Variants in HYDIN observed in about 807,000 individuals in gnomAD.
The protein encoded by HYDIN is axonemal central pair apparatus protein HYDIN.
Under a neutral mutation model 403.9 loss-of-function variants are expected in HYDIN, and 132 were observed. That is an observed-to-expected ratio of 0.33 (90% confidence interval 0.28 to 0.38). The LOEUF is 0.38. Ranked by LOEUF, HYDIN falls within the 10% of genes least tolerant of loss-of-function variation. The probability of loss-of-function intolerance (pLI) is 1.00; values close to 1 mark genes in which losing one functional copy is unlikely to be tolerated. For missense variants in HYDIN, 2,827 were observed against 5,009.5 expected, an observed-to-expected ratio of 0.56 and a Z score of 13.15; for synonymous variants, 1,202 against 1,891.7, an observed-to-expected ratio of 0.64 and a Z score of 9.46.
intron 23 of HYDIN, among the ~76,000 whole-genome samples, chr16:71,002,225 T>A (rs1005983124): frequency 2.0e-5 from 3 of 152,228 alleles, no homozygotes; most frequent in Non-Finnish European, 4.4e-5. Context: ...AGTTTCACTA[T>A]GATTTTGTGC....
chr16:70,990,723 T>C (rs916137158), intron 25 of HYDIN, among the ~76,000 whole-genome samples: 6 of 152,224 alleles, frequency 3.9e-5, no homozygotes, highest in Non-Finnish European at 5.9e-5. Flanking sequence ...GATGGTTACA[T>C]GCTTTATGCA....
chr16:71,136,560 T>C (rs1397982580), intron 8 of HYDIN, among the ~76,000 whole-genome samples: 1 of 147,182 alleles, frequency 6.8e-6, no homozygotes, highest in East Asian at 2.1e-4. Flanking sequence ...GTCAAGGAGC[T>C]TGAGACCAGC....
intron 7 of HYDIN, among the ~76,000 whole-genome samples, chr16:71,145,152 A>G (rs1409939673): frequency 4.6e-5 from 7 of 151,554 alleles, no homozygotes; most frequent in Admixed American, 2.6e-4. Flanking sequence ...GAAAAATGCT[A>G]TAAGACAGTT....
At chr16:70,895,827 TA>T (rs1161751616) in intron 54 of HYDIN, among the ~76,000 whole-genome samples, 153 bp downstream of exon 54, 1 of 151,166 alleles carries the variant, frequency 6.6e-6, no homozygotes, top group Non-Finnish European at 1.5e-5. Flanking sequence ...GTCATGCTGC[TA>T]ATATCACTCT....
chr16:70,981,686 G>A (rs2079050510), intron 28 of HYDIN, 118 bp from the exon 29 acceptor site: 3 of 1,374,218 alleles, frequency 2.2e-6, no homozygotes, highest in Non-Finnish European at 9.5e-7. Context: ...AAGAAGGAAA[G>A]GAGTAAGAGA....
intron 75 of HYDIN, among the ~76,000 whole-genome samples, chr16:70,844,443 C>G (rs200795219): frequency 3.4e-5 from 5 of 147,970 alleles, no homozygotes; most frequent in East Asian, 2.0e-4. Flanking sequence ...TTTGGTTACT[C>G]TAGCCTTGTA....
chr16:70,840,700 G>T (rs2037759043), intron 75 of HYDIN, among the ~76,000 whole-genome samples: 1 of 152,198 alleles, frequency 6.6e-6, no homozygotes, highest in South Asian at 2.1e-4. Context: ...GCCTTTCTGG[G>T]GAAGTTCTTT....
intron 9 of HYDIN, among the ~76,000 whole-genome samples, chr16:71,119,583 T>C (rs1367467655): frequency 6.7e-6 from 1 of 149,200 alleles, no homozygotes; most frequent in Non-Finnish European, 1.5e-5. Context: ...TCTAAACTCC[T>C]CTCCTGGGCT....
At chr16:70,830,599 G>C (rs1250149953) in intron 80 of HYDIN, among the ~76,000 whole-genome samples, 1 of 145,964 alleles carries the variant, frequency 6.9e-6, no homozygotes, top group Non-Finnish European at 1.5e-5. Flanking sequence ...AATAGGCCAG[G>C]TGGGGGATGA....
intron 23 of HYDIN, among the ~76,000 whole-genome samples, chr16:71,010,307 G>A (rs2080038988): frequency 6.6e-6 from 1 of 152,198 alleles, no homozygotes; most frequent in South Asian, 2.1e-4. Flanking sequence ...ACAGCGTTCT[G>A]AGAGGTACAA....
At chr16:71,061,287 G>T (rs2082069585) in intron 17 of HYDIN, among the ~76,000 whole-genome samples, 1 of 149,164 alleles carries the variant, frequency 6.7e-6, no homozygotes. Flanking sequence ...TTTGGGGTTG[G>T]CCTGCCTTGG....
chr16:70,910,071 C>CT (rs961649060), intron 47 of HYDIN, among the ~76,000 whole-genome samples: 1 of 151,694 alleles, frequency 6.6e-6, no homozygotes, highest in Admixed American at 6.6e-5. Flanking sequence ...TGTTATGTTT[C>CT]TTTTTTAATT....
At chr16:70,809,664 C>T in intron 85 of HYDIN, 119 bp downstream of exon 85, 1 of 814,630 alleles carries the variant, frequency 1.2e-6, no homozygotes, top group Non-Finnish European at 2.0e-6. Flanking sequence ...GTCACCATGA[C>T]AACGAAGCAC....
intron 7 of HYDIN, among the ~76,000 whole-genome samples, chr16:71,150,115 C>T (rs1253554676): frequency 1.3e-5 from 2 of 150,152 alleles, no homozygotes; most frequent in East Asian, 3.9e-4. Context: ...CAATAAACAG[C>T]AAACTAAATA....
chr16:70,995,177 T>C (rs192370941), intron 23 of HYDIN, among the ~76,000 whole-genome samples: 125 of 152,330 alleles, frequency 8.2e-4, no homozygotes, highest in Admixed American at 3.5e-3. Context: ...CCAGAAAACC[T>C]GCTCCAAAAT....
chr16:71,079,055 G>C (rs1295878135), intron 13 of HYDIN, among the ~76,000 whole-genome samples: 3 of 151,792 alleles, frequency 2.0e-5, no homozygotes, highest in Non-Finnish European at 4.4e-5. Flanking sequence ...TAAAAGGAAG[G>C]GGTGTACTCT....
Position 71,212,907 on chromosome 16 carries a change from G to A in HYDIN, c.-24+17655C>T, listed in dbSNP as rs368676393. Among the ~76,000 whole-genome samples, 284 of 151,988 alleles carry A rather than the reference G, an allele frequency of 1.9e-3. 5 individuals carry two copies. Among genetic ancestry groups the A allele is most frequent in the African/African-American group, 6.5e-3 (269 of 41,488 alleles). ...CTAGACTCATCCTAGTGAGGGTGAA[G>A]AAAACCAAAAATAAGGAGAAAATTA... On this transcript the variant is annotated intron_variant, in intron 1 of 85. Transcript: ENST00000393567.
At chr16:71,070,169 C>G (rs530397320) in intron 13 of HYDIN, among the ~76,000 whole-genome samples, 1 of 152,286 alleles carries the variant, frequency 6.6e-6, no homozygotes, top group South Asian at 2.1e-4. Context: ...AGCTTTGTTC[C>G]GTGAGACTCC....
At chr16:71,196,943 T>G (rs1463552545) in intron 1 of HYDIN, among the ~76,000 whole-genome samples, 1 of 152,172 alleles carries the variant, frequency 6.6e-6, no homozygotes, top group East Asian at 1.9e-4. Flanking sequence ...TAAAAATGGG[T>G]AACCAGCAGC....
Sources: gnomAD v4.1 joint callset for allele counts (sites outside exome capture counted in the v4.1 genomes callset) on GRCh38, gnomAD v4.1.1 for gene constraint, MANE v1.5 for transcripts, NCBI Gene and HGNC (gene_info 2026-07-23, HGNC 2026-07-21) for gene names.